Variants in OBSL1 observed in about 807,000 individuals in gnomAD.
OBSL1 encodes the protein obscurin-like protein 1.
In OBSL1, 160 loss-of-function variants were observed where a neutral mutation model predicts 172.0. That is an observed-to-expected ratio of 0.93 (90% CI 0.82 to 1.06). The LOEUF (loss-of-function observed/expected upper bound fraction) is 1.06. Ranked by LOEUF, OBSL1 falls within the 50% of genes least tolerant of loss-of-function variation. The probability of loss-of-function intolerance (pLI) is 0.00; values close to 1 mark genes in which losing one functional copy is unlikely to be tolerated. For synonymous variants in OBSL1, 1,200 were observed against 1,196.3 expected (o/e 1.00, Z -0.06); for missense variants, 2,681 against 2,715.4 (o/e 0.99, Z 0.28).
chr2:219,556,412 A>G (rs990509100), intron 13 of OBSL1, 42 bp downstream of exon 13: 2 of 1,608,100 alleles, frequency 1.2e-6, no homozygotes, highest in South Asian at 2.2e-5. Context: ...TTGGGAGTAC[A>G]GGCACGGGAC....
At chr2:219,553,063 C>CTGGG (rs1012266699) in intron 16 of OBSL1, 39 bp from the exon 17 acceptor site, 1 of 1,438,498 alleles carries the variant, frequency 7.0e-7, no homozygotes, top group Non-Finnish European at 9.1e-7. Flanking sequence ...GCGAGCCCGG[C>CTGGG]TGGGCACAGG....
chr2:219,563,395 G>A lies in OBSL1; in HGVS notation c.2640C>T (p.Val880=), dbSNP rs534108201. The A allele has an allele frequency of 2.6e-5, 41 of 1,605,122 alleles. No homozygotes were observed. The Admixed American group carries it at 4.7e-4, about 18-fold the overall frequency. ...QPSDGGEFQC[V]AGDECAYFTV... The stretch of plus-strand genomic sequence containing the variant: ...TGAAGTAGGCACACTCATCTCCAGC[G>A]ACGCACTGAAACTCGCCCCCGTCTG... The change falls in exon 7 of 21, where the codon GTC becomes GTT. Residue 880 remains valine (V), a synonymous_variant. Transcript: ENST00000404537.
At chr2:219,551,058 G>T in intron 20 of OBSL1, 1 of 1,429,936 alleles carries the variant, frequency 7.0e-7, no homozygotes, top group Non-Finnish European at 9.1e-7. Flanking sequence ...CTGGGATTTG[G>T]GATAGAAGGT....
At chr2:219,552,387 G>A (rs1368098659) in intron 18 of OBSL1, 149 bp downstream of exon 18, 1 of 862,164 alleles carries the variant, frequency 1.2e-6, no homozygotes, top group Non-Finnish European at 1.8e-6. Flanking sequence ...CTAGGGGCTG[G>A]GGGCGGGGGA....
At position 219,567,785 on chromosome 2, in the gene OBSL1, T is replaced by C. The variant is rs771464580; in HGVS notation, c.1467A>G (p.Arg489=). ...TAAAGGTGACCTCGCCAGCATCCTC[T>C]CGGGTGACCCCTGGAAGGACCAGGG... ...MHALVLPGVT[R]EDAGEVTFSL... Residue 489 remains arginine (R), a synonymous_variant, in exon 3 of 21, where the codon CGA becomes CGG. Coordinates refer to ENST00000404537, the MANE Select transcript of OBSL1 (RefSeq NM_015311.3). The C allele has an allele frequency of 6.2e-7, 1 of 1,613,902 alleles. No individual in the cohort carries two copies. Among genetic ancestry groups the C allele is most frequent in the Non-Finnish European group, 8.5e-7 (1 of 1,179,850 alleles).
chr2:219,562,836 A>G (rs1285841751), intron 7 of OBSL1, 162 bp from the exon 8 acceptor site: 7 of 722,400 alleles, frequency 9.7e-6, no homozygotes, highest in Non-Finnish European at 1.6e-5. Context: ...AGCTAGAGAC[A>G]CACGAATACA....
At chr2:219,565,631 C>T in intron 5 of OBSL1, 117 bp from the exon 6 acceptor site, 1 of 933,716 alleles carries the variant, frequency 1.1e-6, no homozygotes, top group Non-Finnish European at 1.6e-6. Context: ...CTTAGGCTTC[C>T]ACACCAACCC....
intron 7 of OBSL1, 116 bp downstream of exon 7, chr2:219,563,239 C>T: frequency 2.7e-6 from 3 of 1,095,426 alleles, no homozygotes; most frequent in Non-Finnish European, 1.3e-6. Flanking sequence ...TCCGATCTGC[C>T]AGGGGGAGGG....
intron 8 of OBSL1, among the ~76,000 whole-genome samples, chr2:219,561,026 T>A (rs916439536): frequency 1.3e-5 from 2 of 152,198 alleles, no homozygotes; most frequent in Non-Finnish European, 2.9e-5. Context: ...TGTGTGGCTG[T>A]GGCCATTCTG....
Position 219,571,519 on chromosome 2 carries a change from G to T in OBSL1, c.-287C>A, listed in dbSNP as rs1574591264. On this transcript the variant is annotated 5_prime_UTR_variant, in exon 1 of 21. Coordinates refer to ENST00000404537, the MANE Select transcript of OBSL1 (RefSeq NM_015311.3). ...AGTGGCCCCGCAGCCTCCCCTGCCC[G>T]CTGCCTGGCTTCCTGCTCTTAGGAG... 1 of 244,688 alleles carries T rather than the reference G, an allele frequency of 4.1e-6. No homozygotes were observed. The allele number at this position is 244,688 out of a possible 1,614,324, so 15.2% of individuals were successfully genotyped here.
At position 219,571,083 on chromosome 2, in the gene OBSL1, C is replaced by G. The variant is rs1214665061; in HGVS notation, c.150G>C (p.Gln50His). 1.4e-6 allele frequency: 2 copies of G among 1,468,780 alleles called. No homozygotes were observed. The highest frequency in any genetic ancestry group is 1.8e-6 in the Non-Finnish European group (2 of 1,113,624). 91.0% of individuals were successfully genotyped at this position (1,468,780 alleles called of 1,614,324 possible). ...TCAGGCGTTCCGAGGCCGCCAGCTG[C>G]TGCCCGCCCTTCTCCCACACCACTA... Reference protein sequence around the residue: ...PPVVVWEKGGQQLAASERLSF... With the variant: ...PPVVVWEKGGHQLAASERLSF... Residue 50 changes from glutamine (Q) to histidine (H), a missense_variant, in exon 1 of 21, where the codon CAG becomes CAC. Physicochemically the swap from Gln to His is conservative, Grantham distance 24. Coordinates refer to ENST00000404537, the MANE Select transcript of OBSL1 (RefSeq NM_015311.3).
rs780998170 is a variant in OBSL1 at position 219,563,313 on chromosome 2, G to A, written c.2680+42C>T. ...TGGCAGCTGTTCCAGTGGGAGCAGG[G>A]GCACCTTCCCCTGTGCCTCCGAGGC... On this transcript the variant is annotated intron_variant, in intron 7 of 20. Coordinates refer to ENST00000404537, the MANE Select transcript of OBSL1 (RefSeq NM_015311.3). 13 of 1,513,254 alleles carry A rather than the reference G, an allele frequency of 8.6e-6. No individual in the cohort carries two copies. In the Admixed American group the frequency reaches 1.7e-4, roughly 20 times the overall value. 93.7% of individuals were successfully genotyped at this position (1,513,254 alleles called of 1,614,324 possible). A position where few individuals can be genotyped will look rare whatever the true frequency, so the allele number is the denominator to read the frequency against.
At chr2:219,565,572 G>A (rs939323109) in intron 5 of OBSL1, 58 bp from the exon 6 acceptor site, 53 of 1,540,328 alleles carry the variant, frequency 3.4e-5, no homozygotes, top group South Asian at 5.8e-5. Context: ...GCTCAGTGTC[G>A]GATGCATCAG....
At chr2:219,555,035 G>T in intron 14 of OBSL1, 1 of 437,768 alleles carries the variant, frequency 2.3e-6, no homozygotes, top group East Asian at 3.6e-5. Flanking sequence ...GGAATTTGGA[G>T]TCAGACACAC....
downstream of OBSL1, chr2:219,547,936 C>T: frequency 6.3e-7 from 1 of 1,595,118 alleles, no homozygotes; most frequent in Non-Finnish European, 8.5e-7. Context: ...TGCTGGGGCG[C>T]TACGTGGTGG....
chr2:219,551,969 C>T, intron 19 of OBSL1, 143 bp downstream of exon 19: 3 of 950,128 alleles, frequency 3.2e-6, no homozygotes, highest in Non-Finnish European at 4.8e-6. Context: ...AAACGCGCTG[C>T]CCTCTGTGAC....
rs943841815 is a variant in OBSL1, at chr2:219,567,256, T to A, written c.1837+17A>T. On this transcript the variant is annotated intron_variant, in intron 4 of 20. Coordinates refer to ENST00000404537, the MANE Select transcript of OBSL1 (RefSeq NM_015311.3). ...AGGGAGGAGAAGTGATGGGTGGGTC[T>A]GGCAGGACCAACTCACCAAGGTGAG... 1 of 1,578,536 alleles carries A rather than the reference T, an allele frequency of 6.3e-7. No homozygotes were observed. The highest frequency in any genetic ancestry group is 1.3e-5 in the African/African-American group (1 of 74,508).
At chr2:219,562,247 TA>T (rs1389599834) in intron 8 of OBSL1, among the ~76,000 whole-genome samples, 154 bp downstream of exon 8, 1 of 152,124 alleles carries the variant, frequency 6.6e-6, no homozygotes, top group Non-Finnish European at 1.5e-5. Flanking sequence ...TTTCCTTGAA[TA>T]GGGGCCCTGG....
intron 5 of OBSL1, among the ~76,000 whole-genome samples, chr2:219,565,948 G>A (rs1051169948): frequency 2.6e-5 from 4 of 152,192 alleles, no homozygotes; most frequent in South Asian, 2.1e-4. Context: ...AAATGCTAGC[G>A]TGATCCTTGA....
Sources: allele counts gnomAD v4.1 joint callset (sites outside exome capture counted in the v4.1 genomes callset), GRCh38; gene constraint gnomAD v4.1.1; transcripts MANE v1.5; gene names NCBI Gene and HGNC (gene_info 2026-07-23, HGNC 2026-07-21).